Variants in RIT2 observed in about 807,000 individuals in gnomAD.
RIT2 encodes GTP-binding protein Rit2.
A neutral mutation model predicts 23.7 loss-of-function variants in RIT2; 24 were observed. The ratio of observed to expected loss-of-function variants is 1.01; its 90% CI spans 0.73 to 1.43. The LOEUF is 1.43. Ranked by LOEUF, RIT2 falls within the 40% of genes most tolerant of loss-of-function variation. The pLI, the probability that RIT2 is intolerant of heterozygous loss-of-function variation, is 0.00. For missense variants in RIT2, 236 were observed against 266.9 expected, an observed-to-expected ratio of 0.88 and a Z score of 0.81; for synonymous variants, 107 against 91.1, an observed-to-expected ratio of 1.17 and a Z score of -0.99.
intron 4 of RIT2, among the ~76,000 whole-genome samples, chr18:42,805,092 A>G (rs1905646902): frequency 6.6e-6 from 1 of 152,248 alleles, no homozygotes; most frequent in South Asian, 2.1e-4. Flanking sequence ...TAAATAGTTT[A>G]TGTGAGTTAC....
intron 2 of RIT2, among the ~76,000 whole-genome samples, chr18:43,006,914 C>T (rs989487830): frequency 6.6e-6 from 1 of 150,958 alleles, no homozygotes. Context: ...ATGCTTTATA[C>T]AATTATTGGA....
intron 4 of RIT2, among the ~76,000 whole-genome samples, chr18:42,760,169 G>A (rs1264852127): frequency 6.6e-6 from 1 of 152,206 alleles, no homozygotes; most frequent in Non-Finnish European, 1.5e-5. Context: ...GATATTATAT[G>A]TAGATGCAAG....
chr18:42,872,435 A>G (rs1055835152), intron 4 of RIT2, among the ~76,000 whole-genome samples: 5 of 152,198 alleles, frequency 3.3e-5, no homozygotes, highest in African/African-American at 1.2e-4. Flanking sequence ...TCTCTACAAC[A>G]GTTGAATAGA....
At chr18:42,862,350 C>A (rs899539515) in intron 4 of RIT2, among the ~76,000 whole-genome samples, 7 of 152,132 alleles carry the variant, frequency 4.6e-5, no homozygotes, top group African/African-American at 1.7e-4. Context: ...GAGGCCTCCC[C>A]AGCCATGTGG....
chr18:42,863,842 A>G (rs1429533567), intron 4 of RIT2, among the ~76,000 whole-genome samples: 1 of 152,180 alleles, frequency 6.6e-6, no homozygotes, highest in African/African-American at 2.4e-5. Context: ...TCAAATGGTC[A>G]GCAAAGGGTG....
chr18:43,042,778 A>G (rs1485187826), intron 1 of RIT2, among the ~76,000 whole-genome samples: 1 of 152,236 alleles, frequency 6.6e-6, no homozygotes, highest in Admixed American at 6.5e-5. Flanking sequence ...GGAGGAGGAC[A>G]GCCAGTGAAA....
At chr18:43,055,785 G>C (rs966517501) in intron 1 of RIT2, among the ~76,000 whole-genome samples, 6 of 152,060 alleles carry the variant, frequency 3.9e-5, no homozygotes, top group African/African-American at 1.4e-4. Flanking sequence ...TGGTCTAGGA[G>C]AAAAGGATGT....
intron 1 of RIT2, among the ~76,000 whole-genome samples, chr18:43,087,664 C>T (rs1375010441): frequency 6.6e-6 from 1 of 152,202 alleles, no homozygotes; most frequent in Non-Finnish European, 1.5e-5. Flanking sequence ...CTTGTATCAT[C>T]TTTGTCTTCT....
chr18:42,990,362 A>T (rs1910813590), intron 2 of RIT2, among the ~76,000 whole-genome samples: 1 of 152,144 alleles, frequency 6.6e-6, no homozygotes, highest in South Asian at 2.1e-4. Context: ...TACTACTGTC[A>T]TCCTGAAATA....
At chr18:42,876,234 T>A (rs1038499496) in intron 4 of RIT2, among the ~76,000 whole-genome samples, 4 of 151,918 alleles carry the variant, frequency 2.6e-5, no homozygotes, top group African/African-American at 4.8e-5. Flanking sequence ...CTTATTACAA[T>A]AACCAATATT....
intron 1 of RIT2, among the ~76,000 whole-genome samples, chr18:43,098,589 G>A (rs528540262): frequency 2.0e-5 from 3 of 152,016 alleles, no homozygotes; most frequent in East Asian, 1.9e-4. Flanking sequence ...TTTTTGTAAC[G>A]ACATAATAGT....
intron 4 of RIT2, among the ~76,000 whole-genome samples, chr18:42,806,100 A>AATATATATATATAT (rs58214096): frequency 6.4e-5 from 9 of 140,032 alleles, no homozygotes; most frequent in African/African-American, 2.3e-4. Context: ...TAATAAAATT[A>AATATATATATATAT]ATATATATAT....
At chr18:42,983,541 A>G (rs753888168) in intron 2 of RIT2, among the ~76,000 whole-genome samples, 1 of 152,088 alleles carries the variant, frequency 6.6e-6, no homozygotes, top group Non-Finnish European at 1.5e-5. Context: ...TCTATGAAAG[A>G]CTCCATTAAC....
intron 4 of RIT2, among the ~76,000 whole-genome samples, chr18:42,830,455 G>C (rs1273467592): frequency 6.6e-6 from 1 of 152,212 alleles, no homozygotes; most frequent in Non-Finnish European, 1.5e-5. Flanking sequence ...TTCCTGAGAG[G>C]CTTCACTCAG....
At chr18:42,843,564 G>C (rs1359708064) in intron 4 of RIT2, among the ~76,000 whole-genome samples, 1 of 152,194 alleles carries the variant, frequency 6.6e-6, no homozygotes, top group Non-Finnish European at 1.5e-5. Flanking sequence ...TGAAGTAGGA[G>C]ATTTTATACC....
At chr18:43,107,860 T>C (rs987059334) in intron 1 of RIT2, among the ~76,000 whole-genome samples, 2 of 152,024 alleles carry the variant, frequency 1.3e-5, no homozygotes, top group African/African-American at 4.8e-5. Flanking sequence ...GTGTGATGTT[T>C]AAAATACATG....
At chr18:43,113,670 C>T (rs952718667) in intron 1 of RIT2, among the ~76,000 whole-genome samples, 1 of 152,112 alleles carries the variant, frequency 6.6e-6, no homozygotes, top group African/African-American at 2.4e-5. Flanking sequence ...ATGTTCCCGT[C>T]CAAAATCTCT....
intron 4 of RIT2, among the ~76,000 whole-genome samples, chr18:42,760,328 G>A (rs1913271765): frequency 6.6e-6 from 1 of 152,200 alleles, no homozygotes; most frequent in Admixed American, 6.5e-5. Flanking sequence ...CACACAGCAT[G>A]CTGGAGTAAG....
At chr18:42,876,465 A>G (rs913962680) in intron 4 of RIT2, among the ~76,000 whole-genome samples, 2 of 151,802 alleles carry the variant, frequency 1.3e-5, no homozygotes, top group Non-Finnish European at 2.9e-5. Context: ...AAAAGGAACG[A>G]GGTCTTAAAT....
Sources: allele counts gnomAD v4.1 joint callset (sites outside exome capture counted in the v4.1 genomes callset), GRCh38; gene constraint gnomAD v4.1.1; transcripts MANE v1.5; gene names NCBI Gene and HGNC (gene_info 2026-07-23, HGNC 2026-07-21).